Variants in RASGRP3 observed in about 807,000 individuals in gnomAD.
The protein encoded by RASGRP3 is ras guanyl-releasing protein 3.
A neutral mutation model predicts 82.7 loss-of-function variants in RASGRP3; 54 were observed. The observed-to-expected ratio is 0.65, with a 90% CI of 0.52 to 0.82. The LOEUF is 0.82. Ranked by LOEUF, RASGRP3 falls within the 40% of genes least tolerant of loss-of-function variation. The pLI is 0.00. For missense variants in RASGRP3, 861 were observed against 828.9 expected (o/e 1.04, Z -0.48); for synonymous variants, 309 against 300.5 (o/e 1.03, Z -0.29).
chr2:33,494,566 A>G (rs1669144942), intron 1 of RASGRP3, among the ~76,000 whole-genome samples: 1 of 152,226 alleles, frequency 6.6e-6, no homozygotes, highest in Non-Finnish European at 1.5e-5. Context: ...CAACAAATCC[A>G]AACCAACCTA....
chr2:33,472,338 G>C (rs1356332359), upstream of RASGRP3, among the ~76,000 whole-genome samples: 3 of 152,182 alleles, frequency 2.0e-5, no homozygotes, highest in East Asian at 3.9e-4. Flanking sequence ...GCTAGAGTGG[G>C]AGTGAAGCCC....
At chr2:33,520,129 TC>T in intron 5 of RASGRP3, 115 bp downstream of exon 5, 1 of 830,100 alleles carries the variant, frequency 1.2e-6, no homozygotes, top group Non-Finnish European at 1.9e-6. Context: ...CTGATACCCC[TC>T]CCACCAACTT....
intron 15 of RASGRP3, 37 bp from the exon 16 acceptor site, chr2:33,558,174 C>G: frequency 6.3e-7 from 1 of 1,597,978 alleles, no homozygotes; most frequent in Non-Finnish European, 8.5e-7. Context: ...CAACATCAGA[C>G]ACACTAATCA....
chr2:33,521,527 A>G (rs1179720005), intron 6 of RASGRP3, among the ~76,000 whole-genome samples: 3 of 152,260 alleles, frequency 2.0e-5, no homozygotes, highest in Non-Finnish European at 2.9e-5. Flanking sequence ...AACCTCTGGC[A>G]GCGAGGCCCA....
At chr2:33,532,826 A>C (rs1261356754) in intron 10 of RASGRP3, 1 of 152,252 alleles carries the variant, frequency 6.6e-6, no homozygotes, top group Admixed American at 6.5e-5. Context: ...AGCTGCTAGA[A>C]CAGTGACTAG....
intron 1 of RASGRP3, among the ~76,000 whole-genome samples, chr2:33,501,885 G>C (rs144055974): frequency 6.6e-6 from 1 of 152,274 alleles, no homozygotes; most frequent in Non-Finnish European, 1.5e-5. Flanking sequence ...GGAGGGTGTG[G>C]TCAAGAAGTA....
At chr2:33,505,634 A>G (rs1670301145) in intron 1 of RASGRP3, among the ~76,000 whole-genome samples, 1 of 152,312 alleles carries the variant, frequency 6.6e-6, no homozygotes, top group East Asian at 1.9e-4. Context: ...TTTTTGAGAG[A>G]AGAAAATATT....
intron 2 of RASGRP3, among the ~76,000 whole-genome samples, chr2:33,453,794 A>C (rs73926653): frequency 0.013 from 1,918 of 152,358 alleles, 39 homozygotes; most frequent in African/African-American, 0.044. Flanking sequence ...TGTAATTAAA[A>C]TTGATCTTAT....
chr2:33,528,637 G>A (rs976171774), intron 10 of RASGRP3, among the ~76,000 whole-genome samples: 6 of 152,174 alleles, frequency 3.9e-5, no homozygotes, highest in African/African-American at 1.2e-4. Context: ...TAGGTCTGCT[G>A]CATTGGAATA....
At chr2:33,561,274 C>G (rs1676620112) in intron 17 of RASGRP3, among the ~76,000 whole-genome samples, 1 of 152,090 alleles carries the variant, frequency 6.6e-6, no homozygotes. Context: ...ACCATGCTGG[C>G]CAGGCTGGTC....
Position 33,515,148 on chromosome 2 carries a change from T to C in RASGRP3, c.12T>C (p.Ser4=). The change falls in exon 3 of 18, where the codon AGT becomes AGC. Residue 4 remains serine, a synonymous_variant. Transcript: ENST00000403687. ...ACGGCTAAATAACCATGGGATCAAG[T>C]GGCCTTGGGAAAGCAGCAACATTAG... The part of the protein sequence containing the change: MGS[S]GLGKAATLDE... 3 of 1,613,976 alleles carry C rather than the reference T, an allele frequency of 1.9e-6. No homozygotes were observed. Among genetic ancestry groups the C allele is most frequent in the Non-Finnish European group, 1.7e-6 (2 of 1,179,846 alleles).
chr2:33,550,726 A>G (rs569796887), intron 14 of RASGRP3, among the ~76,000 whole-genome samples: 11 of 152,224 alleles, frequency 7.2e-5, no homozygotes, highest in African/African-American at 2.6e-4. Context: ...GTTGACCCAT[A>G]TTGAATTTGT....
At chr2:33,438,766 G>C (rs1163557502) in intron 1 of RASGRP3, among the ~76,000 whole-genome samples, 1 of 152,032 alleles carries the variant, frequency 6.6e-6, no homozygotes, top group Non-Finnish European at 1.5e-5. Flanking sequence ...GAAATGTATT[G>C]CCTTATTTCC....
intron 1 of RASGRP3, among the ~76,000 whole-genome samples, chr2:33,505,445 G>A (rs772008673): frequency 7.2e-5 from 11 of 151,876 alleles, no homozygotes; most frequent in Non-Finnish European, 1.6e-4. Context: ...TGGGATTACT[G>A]GCATGAGCCA....
intron 17 of RASGRP3, among the ~76,000 whole-genome samples, chr2:33,561,556 A>T (rs1676661446): frequency 6.6e-6 from 1 of 152,208 alleles, no homozygotes; most frequent in Non-Finnish European, 1.5e-5. Context: ...AGGGAAAAAA[A>T]ATGACAAAAT....
At chr2:33,489,276 C>G (rs1469412418) in intron 1 of RASGRP3, among the ~76,000 whole-genome samples, 1 of 152,200 alleles carries the variant, frequency 6.6e-6, no homozygotes, top group Admixed American at 6.5e-5. Flanking sequence ...TTCAAAGACA[C>G]TTTAGATGAG....
intron 1 of RASGRP3, among the ~76,000 whole-genome samples, chr2:33,497,612 C>T (rs1669445968): frequency 1.3e-5 from 2 of 152,200 alleles, no homozygotes; most frequent in Admixed American, 6.5e-5. Context: ...GGATCCCATT[C>T]AAGATTCATT....
intron 1 of RASGRP3, among the ~76,000 whole-genome samples, chr2:33,493,990 T>C (rs958622114): frequency 2.6e-5 from 4 of 152,178 alleles, no homozygotes; most frequent in Admixed American, 6.5e-5. Flanking sequence ...CTGCCTCATA[T>C]ACTTTTTATG....
At chr2:33,498,019 C>G (rs1307441072) in intron 1 of RASGRP3, among the ~76,000 whole-genome samples, 1 of 152,076 alleles carries the variant, frequency 6.6e-6, no homozygotes, top group Non-Finnish European at 1.5e-5. Flanking sequence ...TCTTTCCTTT[C>G]TCCCTTCTCT....
Sources: gnomAD v4.1 joint callset for allele counts (sites outside exome capture counted in the v4.1 genomes callset) on GRCh38, gnomAD v4.1.1 for gene constraint, MANE v1.5 for transcripts, NCBI Gene and HGNC (gene_info 2026-07-23, HGNC 2026-07-21) for gene names.